Variants in LRP6 observed in about 807,000 individuals in gnomAD.
The protein encoded by LRP6 is low-density lipoprotein receptor-related protein 6.
A neutral mutation model predicts 184.1 loss-of-function variants in LRP6; 43 were observed. That is an observed-to-expected ratio of 0.23 (90% CI 0.18 to 0.30). The LOEUF (loss-of-function observed/expected upper bound fraction) is 0.30, where lower values mean the gene tolerates loss of function less well. Among genes scored for constraint, LRP6 ranks in the 10% least tolerant of loss-of-function variants. LRP6 has a pLI of 1.00. For synonymous variants in LRP6, 719 were observed against 684.9 expected (o/e 1.05, Z -0.78); for missense variants, 1,571 against 2,005.3 (o/e 0.78, Z 4.14).
At chr12:12,227,597 C>T (rs556959279) in intron 2 of LRP6, among the ~76,000 whole-genome samples, 9 of 151,852 alleles carry the variant, frequency 5.9e-5, no homozygotes, top group Admixed American at 6.6e-5. Context: ...TTGGTAGAGA[C>T]GGGGTTTCAC....
chr12:12,233,728 T>C (rs1238182272), intron 2 of LRP6, among the ~76,000 whole-genome samples: 1 of 152,182 alleles, frequency 6.6e-6, no homozygotes, highest in Non-Finnish European at 1.5e-5. Context: ...ATTAAAGAAT[T>C]GTTCATCGCA....
intron 2 of LRP6, among the ~76,000 whole-genome samples, chr12:12,236,397 A>C (rs1445395239): frequency 6.6e-6 from 1 of 152,222 alleles, no homozygotes; most frequent in Non-Finnish European, 1.5e-5. Flanking sequence ...ATGAATCCAT[A>C]CTAATTGTAT....
At chr12:12,263,804 A>C (rs1263017662) in intron 1 of LRP6, among the ~76,000 whole-genome samples, 12 of 152,056 alleles carry the variant, frequency 7.9e-5, no homozygotes, top group Non-Finnish European at 1.6e-4. Context: ...ACTGCACTCC[A>C]GCCTAGGCAA....
chr12:12,129,370 CTA>C (rs1288207009), intron 19 of LRP6, among the ~76,000 whole-genome samples: 1 of 152,100 alleles, frequency 6.6e-6, no homozygotes, highest in Non-Finnish European at 1.5e-5. Context: ...GTACCTTTAC[CTA>C]TGTTATCTCT....
Position 12,131,811 on chromosome 12 carries a change from T to C in LRP6, c.3970+10A>G, listed in dbSNP as rs1192835594. On this transcript the variant is annotated intron_variant, in intron 18 of 22. Transcript: ENST00000261349. Reference sequence around the variant, plus strand: ...GATTGCATGCTGAGGCACTGAAGAATTCTGGATACCTTCACAGTTCTTCTC... The same window carrying C: ...GATTGCATGCTGAGGCACTGAAGAACTCTGGATACCTTCACAGTTCTTCTC... The C allele has an allele frequency of 6.2e-7, 1 of 1,609,194 alleles. No individual in the cohort carries two copies. Among genetic ancestry groups the C allele is most frequent in the Non-Finnish European group, 8.5e-7 (1 of 1,175,460 alleles).
chr12:12,210,378 G>C (rs1333213783), intron 2 of LRP6, among the ~76,000 whole-genome samples: 1 of 152,172 alleles, frequency 6.6e-6, no homozygotes, highest in Non-Finnish European at 1.5e-5. Flanking sequence ...GGGAGAGCAA[G>C]ATGATGAGTT....
At position 12,126,708 on chromosome 12, in the gene LRP6, A is replaced by G. The variant is rs748004159; in HGVS notation, c.4295T>C (p.Leu1432Ser). The G allele has an allele frequency of 7.1e-5, 114 of 1,613,998 alleles. No individual in the cohort carries two copies. The highest frequency in any genetic ancestry group is 9.0e-5 in the Non-Finnish European group (106 of 1,179,970). Residue 1432 changes from leucine to serine, a missense_variant, in exon 20 of 23, where the codon TTG becomes TCG. By Grantham distance (145) the Leu-to-Ser change is moderately radical. Around this residue, in one of 4 missense-constraint regions of LRP6, gnomAD observed 763 missense variants for 859.5 expected, o/e 0.89. Coordinates refer to ENST00000261349, the MANE Select transcript of LRP6 (RefSeq NM_002336.3). Reference protein sequence around the residue: ...PLGYVPHPSSLSGSLPGMSRG... With the variant: ...PLGYVPHPSSSSGSLPGMSRG... The stretch of plus-strand genomic sequence containing the variant: ...TGACTCACCTGGAAGAGATCCTGAC[A>G]AAGAACTTGGGTGTGGCACATAACC...
At chr12:12,156,127 GAAAAGA>G (rs1196038112) in intron 12 of LRP6, among the ~76,000 whole-genome samples, 2 of 152,152 alleles carry the variant, frequency 1.3e-5, no homozygotes, top group Non-Finnish European at 2.9e-5. Flanking sequence ...ATGGGAAAAA[GAAAAGA>G]AAAAGTACAG....
intron 2 of LRP6, among the ~76,000 whole-genome samples, chr12:12,214,029 A>G (rs541621939): frequency 7.2e-5 from 11 of 152,168 alleles, no homozygotes; most frequent in Admixed American, 2.0e-4. Flanking sequence ...ACAGTTCTTC[A>G]TATTTATCAT....
intron 1 of LRP6, among the ~76,000 whole-genome samples, chr12:12,265,467 T>A (rs1865732480): frequency 6.6e-6 from 1 of 152,082 alleles, no homozygotes; most frequent in Admixed American, 6.5e-5. Context: ...CACGCAAAAA[T>A]ATACACCTGT....
Position 12,231,197 on chromosome 12 carries a change from A to T in LRP6, c.449+13065T>A, listed in dbSNP as rs1024369540. Among the ~76,000 whole-genome samples the T allele has an allele frequency of 5.5e-4, 82 of 150,294 alleles. 1 individual carries two copies. The highest frequency in any genetic ancestry group is 1.8e-3 in the African/African-American group (73 of 41,164). On this transcript the variant is annotated intron_variant, in intron 2 of 22. Transcript: ENST00000261349. The stretch of plus-strand genomic sequence containing the variant: ...CTCCATCTCAAAAAAAAAAAAAAAA[A>T]AAAAAAAAAAAGCAGTACATGTTTG...
At chr12:12,172,341 T>C (rs1004867034) in intron 7 of LRP6, among the ~76,000 whole-genome samples, 1 of 152,188 alleles carries the variant, frequency 6.6e-6, no homozygotes, top group Admixed American at 6.5e-5. Flanking sequence ...GAAGAAGTAA[T>C]GGCAAATCTT....
chr12:12,155,544 A>C (rs1235780244), intron 12 of LRP6: 3 of 743,796 alleles, frequency 4.0e-6, no homozygotes, highest in Non-Finnish European at 7.3e-6. Context: ...CATATTCAGC[A>C]CGTTAAGCAC....
chr12:12,212,664 G>C (rs1375960259), intron 2 of LRP6, among the ~76,000 whole-genome samples: 1 of 152,110 alleles, frequency 6.6e-6, no homozygotes, highest in Non-Finnish European at 1.5e-5. Flanking sequence ...GTTTGTCTCA[G>C]AAGGTATACT....
chr12:12,263,410 C>A (rs1413667919), intron 1 of LRP6, among the ~76,000 whole-genome samples: 3 of 151,156 alleles, frequency 2.0e-5, no homozygotes, highest in African/African-American at 7.3e-5. Context: ...CCCGTCTCTA[C>A]TAAAAAATAC....
chr12:12,165,501 A>G (rs185630812), intron 7 of LRP6, among the ~76,000 whole-genome samples: 207 of 152,194 alleles, frequency 1.4e-3, no homozygotes, highest in African/African-American at 4.8e-3. Context: ...TTTCCCCCCA[A>G]TCTCATATTA....
At chr12:12,222,352 G>T (rs1565671568) in intron 2 of LRP6, among the ~76,000 whole-genome samples, 1 of 151,868 alleles carries the variant, frequency 6.6e-6, no homozygotes, top group Non-Finnish European at 1.5e-5. Flanking sequence ...GATCACCTGA[G>T]GTCAGGAGTT....
At chr12:12,159,339 A>G (rs1862684097) in intron 11 of LRP6, among the ~76,000 whole-genome samples, 184 bp from the exon 12 acceptor site, 1 of 147,054 alleles carries the variant, frequency 6.8e-6, no homozygotes, top group African/African-American at 2.4e-5. Flanking sequence ...TCTGAAATCA[A>G]TCTATCTTCT....
At chr12:12,198,530 C>CTTTTTTTTTTTTTTTTTTT (rs56150307) in intron 3 of LRP6, among the ~76,000 whole-genome samples, 1 of 76,988 alleles carries the variant, frequency 1.3e-5, no homozygotes, top group Admixed American at 1.8e-4. Flanking sequence ...GAATTTTTCT[C>CTTTTTTTTTTTTTTTTTTT]TTTTTTTTTT....
Sources: allele counts gnomAD v4.1 joint callset (sites outside exome capture counted in the v4.1 genomes callset), GRCh38; gene constraint gnomAD v4.1.1; regional missense constraint gnomAD v4.1.1; transcripts MANE v1.5; gene names NCBI Gene and HGNC (gene_info 2026-07-23, HGNC 2026-07-21).